EPHA6: variants seen among roughly 807,000 people sequenced by gnomAD.
EPHA6 encodes ephrin type-A receptor 6.
Under a neutral mutation model 112.0 loss-of-function variants are expected in EPHA6, and 50 were observed. The ratio of observed to expected loss-of-function variants is 0.45; its 90% confidence interval spans 0.36 to 0.56. The LOEUF is 0.56. EPHA6 is among the 20% of genes least tolerant of loss of function. The pLI, the probability that EPHA6 is intolerant of heterozygous loss-of-function variation, is 0.00. For synonymous variants in EPHA6, 529 were observed against 490.7 expected (o/e 1.08, Z -1.03); for missense variants, 1,280 against 1,417.4 (o/e 0.90, Z 1.56).
intron 1 of EPHA6, among the ~76,000 whole-genome samples, chr3:96,822,541 C>T (rs1337664488): frequency 1.3e-5 from 2 of 151,542 alleles, no homozygotes; most frequent in Non-Finnish European, 3.0e-5. Context: ...ATGTAAAAGA[C>T]GTACTTTTTG....
At chr3:97,650,503 T>C (rs1259280482) in intron 14 of EPHA6, among the ~76,000 whole-genome samples, 2 of 151,534 alleles carry the variant, frequency 1.3e-5, no homozygotes, top group Non-Finnish European at 2.9e-5. Flanking sequence ...AAGATTATCA[T>C]ACACAAAGGA....
chr3:97,152,626 A>T (rs946888010), intron 3 of EPHA6, among the ~76,000 whole-genome samples: 3 of 152,010 alleles, frequency 2.0e-5, no homozygotes, highest in African/African-American at 7.2e-5. Flanking sequence ...TTGACCGAGG[A>T]TTCAGCATTT....
chr3:97,116,652 G>A (rs1472391049), intron 3 of EPHA6, among the ~76,000 whole-genome samples: 2 of 151,534 alleles, frequency 1.3e-5, no homozygotes, highest in Non-Finnish European at 3.0e-5. Context: ...CATTCATGTT[G>A]TGCAGATAAC....
intron 3 of EPHA6, among the ~76,000 whole-genome samples, chr3:97,090,214 A>C (rs1427717959): frequency 6.6e-6 from 1 of 152,066 alleles, no homozygotes; most frequent in East Asian, 1.9e-4. Flanking sequence ...ACTGTTTCAA[A>C]ATGGATTAAG....
chr3:96,967,682 T>TTGTGTG (rs149291564), intron 2 of EPHA6, among the ~76,000 whole-genome samples: 3 of 149,368 alleles, frequency 2.0e-5, no homozygotes, highest in African/African-American at 7.3e-5. Flanking sequence ...TGAGTAACAG[T>TTGTGTG]TGTGTGTGTG....
intron 10 of EPHA6, among the ~76,000 whole-genome samples, chr3:97,509,938 A>G (rs2092333660): frequency 6.6e-6 from 1 of 152,022 alleles, no homozygotes; most frequent in Admixed American, 6.6e-5. Flanking sequence ...CATTAAATTG[A>G]TCTTTAATCT....
intron 14 of EPHA6, among the ~76,000 whole-genome samples, chr3:97,714,868 C>T (rs965410724): frequency 5.3e-5 from 8 of 152,230 alleles, no homozygotes; most frequent in African/African-American, 1.7e-4. Context: ...CCAGTAAGCA[C>T]ATTAATGCCT....
intron 5 of EPHA6, among the ~76,000 whole-genome samples, chr3:97,321,379 C>A (rs1041795415): frequency 6.6e-6 from 1 of 151,728 alleles, no homozygotes; most frequent in Admixed American, 6.6e-5. Context: ...GATACAATGA[C>A]CTCAATATAG....
At chr3:97,571,816 A>G (rs1367755819) in intron 11 of EPHA6, among the ~76,000 whole-genome samples, 4 of 152,220 alleles carry the variant, frequency 2.6e-5, no homozygotes, top group Non-Finnish European at 4.4e-5. Context: ...TCAGTTCACA[A>G]AAGACTAATT....
chr3:97,213,987 C>A (rs1480956715), intron 3 of EPHA6, among the ~76,000 whole-genome samples: 1 of 143,088 alleles, frequency 7.0e-6, no homozygotes, highest in East Asian at 2.1e-4. Context: ...TAATCATAAT[C>A]TCATGTGTTC....
intron 7 of EPHA6, among the ~76,000 whole-genome samples, chr3:97,465,763 AC>A (rs1185821508): frequency 6.6e-6 from 1 of 152,038 alleles, no homozygotes; most frequent in Non-Finnish European, 1.5e-5. Flanking sequence ...AAATAGTTCT[AC>A]TGATGCCAAA....
intron 11 of EPHA6, among the ~76,000 whole-genome samples, chr3:97,562,575 G>T (rs1371966727): frequency 6.6e-6 from 1 of 152,168 alleles, no homozygotes; most frequent in Non-Finnish European, 1.5e-5. Flanking sequence ...GTTTCTTGAG[G>T]ATGAAATCTA....
chr3:97,002,335 A>G (rs1365875103), intron 3 of EPHA6, among the ~76,000 whole-genome samples: 1 of 150,744 alleles, frequency 6.6e-6, no homozygotes. Flanking sequence ...TTATATGTAT[A>G]TAATTTTTTA....
At chr3:97,387,649 C>T (rs555626654) in intron 5 of EPHA6, among the ~76,000 whole-genome samples, 1 of 152,198 alleles carries the variant, frequency 6.6e-6, no homozygotes, top group East Asian at 1.9e-4. Context: ...TGTCCCTCAT[C>T]TTCCTGTTTT....
intron 10 of EPHA6, among the ~76,000 whole-genome samples, chr3:97,510,264 T>TAC (rs1480509422): frequency 1.3e-5 from 2 of 152,174 alleles, no homozygotes; most frequent in Admixed American, 1.3e-4. Context: ...GGAGGAGAAT[T>TAC]CTCACTCTAG....
At chr3:97,563,805 C>T (rs1213492381) in intron 11 of EPHA6, among the ~76,000 whole-genome samples, 3 of 152,124 alleles carry the variant, frequency 2.0e-5, no homozygotes, top group African/African-American at 7.2e-5. Flanking sequence ...GTACTTCCTT[C>T]TCTACAAATT....
Position 97,187,662 on chromosome 3 carries a change from G to A in EPHA6, c.1115-38602G>A, listed in dbSNP as rs192003283. 6.8e-3 allele frequency among the ~76,000 whole-genome samples: 691 copies of A among 101,758 alleles called. 8 individuals are homozygous for A. Among genetic ancestry groups the A allele is most frequent in the African/African-American group, 0.024 (609 of 25,768 alleles). The allele number at this position is 101,758 out of a possible 152,430, so 66.8% of individuals were successfully genotyped here. On this transcript the variant is annotated intron_variant, in intron 3 of 17. Transcript: ENST00000389672. ...AAAAAGAGAGAGAGAAAGAAAGAAAGGAAAGAAAGAAAGAGAAAGAAAGAA... is the reference window on the plus strand; with the variant it reads ...AAAAAGAGAGAGAGAAAGAAAGAAAAGAAAGAAAGAAAGAGAAAGAAAGAA...
chr3:97,105,380 CTTT>C (rs768197777), intron 3 of EPHA6, among the ~76,000 whole-genome samples: 5 of 152,188 alleles, frequency 3.3e-5, no homozygotes, highest in Non-Finnish European at 7.4e-5. Context: ...CAAAGAGCTT[CTTT>C]ATTTCTGATT....
At chr3:96,825,438 G>A (rs368222673) in intron 1 of EPHA6, among the ~76,000 whole-genome samples, 7 of 151,496 alleles carry the variant, frequency 4.6e-5, no homozygotes, top group Admixed American at 3.3e-4. Context: ...TATGGTTTAC[G>A]ATATATCCAA....
Sources: allele counts gnomAD v4.1 joint callset (sites outside exome capture counted in the v4.1 genomes callset), GRCh38; gene constraint gnomAD v4.1.1; transcripts MANE v1.5; gene names NCBI Gene and HGNC (gene_info 2026-07-23, HGNC 2026-07-21).